Variants in KCNK1 observed in about 807,000 individuals in gnomAD.
The protein encoded by KCNK1 is potassium channel subfamily K member 1.
Under a neutral mutation model 22.2 loss-of-function variants are expected in KCNK1, and 10 were observed. The ratio of observed to expected loss-of-function variants is 0.45; its 90% CI spans 0.28 to 0.76. The LOEUF is 0.76. KCNK1 is among the 30% of genes least tolerant of loss of function. KCNK1 has a pLI of 0.14. For missense variants in KCNK1, 378 were observed against 421.0 expected (o/e 0.90, Z 0.89); for synonymous variants, 200 against 186.4 (o/e 1.07, Z -0.60).
At chr1:233,644,029 A>G (rs1658047202) in intron 1 of KCNK1, among the ~76,000 whole-genome samples, 1 of 152,210 alleles carries the variant, frequency 6.6e-6, no homozygotes, top group Admixed American at 6.5e-5. Flanking sequence ...GGTTGCTGTA[A>G]GAGAATACCA....
At chr1:233,666,544 T>G in intron 1 of KCNK1, 51 bp from the exon 2 acceptor site, 1 of 1,531,258 alleles carries the variant, frequency 6.5e-7, no homozygotes, top group African/African-American at 1.4e-5. Flanking sequence ...AAAAACGTGT[T>G]TGCCACTTTG....
intron 1 of KCNK1, among the ~76,000 whole-genome samples, chr1:233,622,868 T>A (rs530414626): frequency 6.6e-6 from 1 of 152,340 alleles, no homozygotes; most frequent in South Asian, 2.1e-4. Context: ...ACCGTCTGCT[T>A]GATCCCAGAT....
At chr1:233,634,838 A>G (rs530918935) in intron 1 of KCNK1, among the ~76,000 whole-genome samples, 11 of 152,326 alleles carry the variant, frequency 7.2e-5, no homozygotes, top group African/African-American at 2.6e-4. Context: ...AAGTTTTTCA[A>G]TTTGCCAGTA....
At chr1:233,652,544 C>T (rs988967340) in intron 1 of KCNK1, among the ~76,000 whole-genome samples, 2 of 152,144 alleles carry the variant, frequency 1.3e-5, no homozygotes, top group Non-Finnish European at 1.5e-5. Context: ...GCATAACATA[C>T]CGAATGCTTT....
chr1:233,620,156 GC>G (rs1657557531), intron 1 of KCNK1, among the ~76,000 whole-genome samples: 1 of 152,326 alleles, frequency 6.6e-6, no homozygotes, highest in South Asian at 2.1e-4. Flanking sequence ...TTGGTGTGCA[GC>G]CACACCTGTT....
Position 233,647,049 on chromosome 1 carries a change from G to A in KCNK1, c.356-19546G>A, listed in dbSNP as rs149510907. ...TCCCCTTAAAATCTGGCATTTCTGA[G>A]AGTTAGAAAATTTTATTCAAAGTGA... On this transcript the variant is annotated intron_variant, in intron 1 of 2. Transcript: ENST00000366621. Among the ~76,000 whole-genome samples the A allele has an allele frequency of 5.6e-3, 854 of 152,300 alleles. 5 individuals carry two copies. Among genetic ancestry groups the A allele is most frequent in the African/African-American group, 8.7e-3 (362 of 41,564 alleles).
intron 1 of KCNK1, among the ~76,000 whole-genome samples, chr1:233,638,955 C>T (rs1377316334): frequency 6.6e-6 from 1 of 152,182 alleles, no homozygotes; most frequent in Non-Finnish European, 1.5e-5. Context: ...ATAACACTCA[C>T]TGTTTGGGAA....
At chr1:233,655,071 G>C (rs899631707) in intron 1 of KCNK1, among the ~76,000 whole-genome samples, 1 of 152,214 alleles carries the variant, frequency 6.6e-6, no homozygotes, top group Non-Finnish European at 1.5e-5. Flanking sequence ...GCAACCTTTG[G>C]GGAGGGCCAC....
At chr1:233,645,171 G>C (rs1165766548) in intron 1 of KCNK1, among the ~76,000 whole-genome samples, 1 of 150,852 alleles carries the variant, frequency 6.6e-6, no homozygotes, top group East Asian at 1.9e-4. Flanking sequence ...TCCAGCCTGG[G>C]TGACAGAGTG....
intron 1 of KCNK1, chr1:233,661,918 C>T (rs1658399801): frequency 6.6e-6 from 1 of 152,214 alleles, no homozygotes; most frequent in Admixed American, 6.5e-5. Context: ...CATCACCGTG[C>T]AATGAGTTTC....
chr1:233,649,870 T>C, intron 1 of KCNK1: 1 of 483,254 alleles, frequency 2.1e-6, no homozygotes. Flanking sequence ...ACCCAGCAAA[T>C]GGATATCTTT....
intron 1 of KCNK1, among the ~76,000 whole-genome samples, chr1:233,654,928 A>C (rs1658263443): frequency 1.3e-5 from 2 of 152,174 alleles, no homozygotes; most frequent in Admixed American, 6.5e-5. Context: ...TTGAGCAGGC[A>C]AGCATGGGAC....
chr1:233,622,357 C>A (rs993683634), intron 1 of KCNK1, among the ~76,000 whole-genome samples: 3 of 152,144 alleles, frequency 2.0e-5, no homozygotes, highest in African/African-American at 7.2e-5. Context: ...GTATTATTGA[C>A]AAATCCGTGA....
At chr1:233,624,767 C>T (rs573361965) in intron 1 of KCNK1, among the ~76,000 whole-genome samples, 57 of 152,080 alleles carry the variant, frequency 3.7e-4, no homozygotes, top group Non-Finnish European at 6.2e-4. Flanking sequence ...CATGTGTACT[C>T]GGTGCACCAC....
chr1:233,666,881 A>G lies in KCNK1; in HGVS notation c.642A>G (p.Glu214=). The G allele has an allele frequency of 6.2e-7, 1 of 1,614,078 alleles. No individual in the cohort carries two copies. The highest frequency in any genetic ancestry group is 8.5e-7 in the Non-Finnish European group (1 of 1,180,014). The change falls in exon 2 of 3, where the codon GAA becomes GAG. Residue 214 remains glutamate, a synonymous_variant. Transcript: ENST00000366621. ...SVLEDDWNFL[E]SFYFCFISLS... The stretch of plus-strand genomic sequence containing the variant: ...TGGAGGATGACTGGAACTTCCTGGA[A>G]TCCTTTTATTTTTGTTTTATTTCCC...
At chr1:233,631,584 C>T (rs1055335810) in intron 1 of KCNK1, 2 of 293,498 alleles carry the variant, frequency 6.8e-6, no homozygotes, top group African/African-American at 4.5e-5. Flanking sequence ...TTACCCTACC[C>T]TCACTCATCA....
chr1:233,615,321 A>G (rs1194892429), intron 1 of KCNK1, among the ~76,000 whole-genome samples: 1 of 152,224 alleles, frequency 6.6e-6, no homozygotes, highest in Non-Finnish European at 1.5e-5. Flanking sequence ...ACGTCCCCGT[A>G]CGACTCACCC....
chr1:233,629,285 G>C (rs1657747933), intron 1 of KCNK1, among the ~76,000 whole-genome samples: 1 of 152,172 alleles, frequency 6.6e-6, no homozygotes, highest in Non-Finnish European at 1.5e-5. Context: ...ACTTTGATAG[G>C]GAGATGGCTG....
intron 1 of KCNK1, among the ~76,000 whole-genome samples, chr1:233,641,496 T>TA (rs956896606): frequency 1.3e-4 from 20 of 152,352 alleles, no homozygotes; most frequent in South Asian, 4.1e-4. Context: ...TCCCAATTTA[T>TA]AATGGCTTAA....
Sources: allele counts gnomAD v4.1 joint callset (sites outside exome capture counted in the v4.1 genomes callset), GRCh38; gene constraint gnomAD v4.1.1; transcripts MANE v1.5; gene names NCBI Gene and HGNC (gene_info 2026-07-23, HGNC 2026-07-21).